Variants in GPHN observed in about 807,000 individuals in gnomAD.
The protein encoded by GPHN is gephyrin.
In GPHN, 17 loss-of-function variants were observed where a neutral mutation model predicts 95.5. That is an observed-to-expected ratio of 0.18 (90% confidence interval 0.12 to 0.27). GPHN has a LOEUF of 0.27. Among genes scored for constraint, GPHN ranks in the 10% least tolerant of loss-of-function variants. The pLI is 1.00. For synonymous variants in GPHN, 320 were observed against 322.5 expected, an observed-to-expected ratio of 0.99 and a Z score of 0.08; for missense variants, 660 against 978.1, an observed-to-expected ratio of 0.67 and a Z score of 4.34.
intron 4 of GPHN, among the ~76,000 whole-genome samples, chr14:66,832,382 A>G (rs1462909216): frequency 6.6e-6 from 1 of 152,148 alleles, no homozygotes; most frequent in African/African-American, 2.4e-5. Flanking sequence ...GTTATCTCTA[A>G]TTAGATATGG....
At chr14:67,114,280 A>G (rs1291311582) in intron 16 of GPHN, among the ~76,000 whole-genome samples, 1 of 152,228 alleles carries the variant, frequency 6.6e-6, no homozygotes, top group Non-Finnish European at 1.5e-5. Flanking sequence ...CACTATATAT[A>G]GCATCAGAAA....
At chr14:67,529,451 T>C in the GPHN span, among the ~76,000 whole-genome samples, 15 of 152,302 alleles carry the variant, frequency 9.8e-5, no homozygotes, top group South Asian at 2.3e-3. Flanking sequence ...AAGTATTCAA[T>C]AGATATTTGT....
intron 1 of GPHN, among the ~76,000 whole-genome samples, chr14:66,668,890 T>C (rs1368170710): frequency 6.6e-6 from 1 of 151,468 alleles, no homozygotes; most frequent in African/African-American, 2.4e-5. Context: ...TTTTTTTTTT[T>C]CTTTTTTTGA....
At chr14:67,397,692 G>C in the GPHN span, 4 of 1,613,354 alleles carry the variant, frequency 2.5e-6, no homozygotes, top group Non-Finnish European at 3.4e-6. Flanking sequence ...GGCAGGGGCA[G>C]GTGATGGTGC....
At chr14:66,624,042 T>C (rs2063422136) in intron 1 of GPHN, among the ~76,000 whole-genome samples, 1 of 152,124 alleles carries the variant, frequency 6.6e-6, no homozygotes, top group Admixed American at 6.6e-5. Context: ...CTCATGTCCT[T>C]ATCGTCCTTT....
At chr14:67,508,063 G>A in the GPHN span, among the ~76,000 whole-genome samples, 2 of 151,050 alleles carry the variant, frequency 1.3e-5, no homozygotes, top group Non-Finnish European at 1.5e-5. Flanking sequence ...GCTTGAACCC[G>A]GGAGGTGGAG....
At chr14:67,605,620 T>C in the GPHN span, among the ~76,000 whole-genome samples, 3 of 152,186 alleles carry the variant, frequency 2.0e-5, no homozygotes, top group East Asian at 1.9e-4. Context: ...CACCTAAGTA[T>C]TTCCTCTTTA....
At position 66,824,486 on chromosome 14, in the gene GPHN, G is replaced by T. The variant is rs929193470; in HGVS notation, c.214G>T (p.Asp72Tyr). The T allele has an allele frequency of 6.3e-7, 1 of 1,577,658 alleles. No individual in the cohort carries two copies. The change falls in exon 4 of 23, where the codon GAT becomes TAT. Residue 72 changes from aspartate to tyrosine, a missense_variant. Coordinates refer to ENST00000478722, the MANE Select transcript of GPHN (RefSeq NM_020806.5). ...TGTTTTCTTTCAGGAAACCCTGATA[G>T]ATTGGTGTGATGAAAAGGAACTTAA... ...EIEEIKETLI[D>Y]WCDEKELNLI... is the part of the protein sequence containing the mutation.
At chr14:67,611,255 C>T in the GPHN span, 1 of 151,364 alleles carries the variant, frequency 6.6e-6, no homozygotes, top group East Asian at 1.9e-4. Context: ...CTCCCTCTCT[C>T]TCTCTTTCTT....
At chr14:66,900,363 A>T (rs975300068) in intron 5 of GPHN, among the ~76,000 whole-genome samples, 3 of 151,684 alleles carry the variant, frequency 2.0e-5, no homozygotes, top group African/African-American at 7.3e-5. Context: ...CTTTAGGAGC[A>T]CTGATTTAGG....
the GPHN span, chr14:67,587,048 C>A: frequency 6.4e-7 from 1 of 1,557,984 alleles, no homozygotes; most frequent in Non-Finnish European, 8.7e-7. Context: ...TAGTTCAATT[C>A]CTTCACATCT....
chr14:66,754,120 A>G (rs1371034182), intron 2 of GPHN, among the ~76,000 whole-genome samples: 1 of 152,038 alleles, frequency 6.6e-6, no homozygotes, highest in East Asian at 1.9e-4. Context: ...GTTAATGGAT[A>G]TTTGAGTTTT....
At chr14:66,689,694 T>A (rs1414738871) in intron 2 of GPHN, among the ~76,000 whole-genome samples, 1 of 152,168 alleles carries the variant, frequency 6.6e-6, no homozygotes, top group Admixed American at 6.5e-5. Context: ...TTTTTAAAAT[T>A]ACAAATTTAG....
the GPHN span, chr14:67,692,560 T>A: frequency 1.2e-6 from 2 of 1,606,680 alleles, no homozygotes; most frequent in Non-Finnish European, 1.7e-6. Context: ...TTCCCCCTTT[T>A]CCACATCCCG....
intron 5 of GPHN, among the ~76,000 whole-genome samples, chr14:66,908,626 A>C (rs8004936): frequency 1.3e-5 from 2 of 151,598 alleles, no homozygotes; most frequent in African/African-American, 4.9e-5. Context: ...AACTGGGGTC[A>C]GGTTGGGGAA....
downstream of GPHN, among the ~76,000 whole-genome samples, chr14:67,186,575 T>C (rs1036075339): frequency 6.6e-6 from 1 of 152,126 alleles, no homozygotes; most frequent in Non-Finnish European, 1.5e-5. Context: ...TCAGACCCGA[T>C]GGAGCCAGGA....
intron 1 of GPHN, among the ~76,000 whole-genome samples, chr14:66,545,669 C>T (rs12890517): frequency 2.4e-5 from 3 of 126,060 alleles, no homozygotes; most frequent in South Asian, 2.8e-4. Flanking sequence ...CTCCTCACTT[C>T]CCAGTAGGGG....
At chr14:66,630,356 A>G (rs1460330698) in intron 1 of GPHN, among the ~76,000 whole-genome samples, 8 of 152,204 alleles carry the variant, frequency 5.3e-5, no homozygotes, top group Admixed American at 2.6e-4. Flanking sequence ...GAATCTGATC[A>G]CATTTCCTTA....
the GPHN span, among the ~76,000 whole-genome samples, chr14:67,354,863 G>C: frequency 6.6e-6 from 1 of 152,198 alleles, no homozygotes; most frequent in Non-Finnish European, 1.5e-5. Flanking sequence ...GCCCAGGCTA[G>C]AGTGCAATGG....
Sources: allele counts gnomAD v4.1 joint callset (sites outside exome capture counted in the v4.1 genomes callset), GRCh38; gene constraint gnomAD v4.1.1; transcripts MANE v1.5; gene names NCBI Gene and HGNC (gene_info 2026-07-23, HGNC 2026-07-21).